Variants in HS6ST2 observed in about 807,000 individuals in gnomAD.
HS6ST2 encodes the protein heparan-sulfate 6-O-sulfotransferase 2.
In HS6ST2, 17 loss-of-function variants were observed where a neutral mutation model predicts 33.0. The ratio of observed to expected loss-of-function variants is 0.52; its 90% CI spans 0.35 to 0.77. The LOEUF (loss-of-function observed/expected upper bound fraction) is 0.77, where lower values mean the gene tolerates loss of function less well. Among genes scored for constraint, HS6ST2 ranks in the 30% least tolerant of loss-of-function variants. The pLI is 0.01. For missense variants in HS6ST2, 519 were observed against 551.7 expected (o/e 0.94, Z 0.59); for synonymous variants, 248 against 237.1 (o/e 1.05, Z -0.42).
At chrX:132,633,519 G>A (rs768729975) in intron 4 of HS6ST2, among the ~76,000 whole-genome samples, 39 of 110,997 alleles carry the variant, frequency 3.5e-4, no homozygotes, top group Non-Finnish European at 5.5e-4. Flanking sequence ...GGAGAAAGAG[G>A]AGGAGGACTT....
In HS6ST2 at chrX:132,627,981, G is replaced by T; in HGVS notation, c.*242C>A. On this transcript the variant is annotated 3_prime_UTR_variant, in exon 5 of 5. Transcript: ENST00000370833. ...AGCAATTTCTGGTGAGTCTGGTTTG[G>T]CTTTCGGATTTCATATTTAGTCCAA... 3.7e-6 allele frequency: 1 copy of T among 271,205 alleles called. No individual in the cohort carries two copies. The highest frequency in any genetic ancestry group is 6.5e-6 in the Non-Finnish European group (1 of 153,461). The allele number at this position is 271,205 out of a possible 1,213,427, so 22.4% of individuals were successfully genotyped here. A position where few individuals can be genotyped will look rare whatever the true frequency, so the allele number is the denominator to read the frequency against.
chrX:132,628,201 T>C lies in HS6ST2; in HGVS notation c.*22A>G, dbSNP rs1358253717. Reference sequence around the variant, plus strand: ...TTTCAGTGGCGCTTTGGGAGAAGTATGTACAGGCCTTTTTGAGCCATTTAA... The same window carrying C: ...TTTCAGTGGCGCTTTGGGAGAAGTACGTACAGGCCTTTTTGAGCCATTTAA... On this transcript the variant is annotated 3_prime_UTR_variant, in exon 5 of 5. Transcript: ENST00000370833. 2.8e-6 allele frequency: 3 copies of C among 1,060,675 alleles called. No homozygotes were observed. The Admixed American group carries it at 8.2e-5, about 29-fold the overall frequency. The allele number at this position is 1,060,675 out of a possible 1,213,427, so 87.4% of individuals were successfully genotyped here.
At position 132,870,789 on chromosome X, in the gene HS6ST2, A is replaced by G. The variant is rs183282738; in HGVS notation, c.947+86019T>C. ...CTCAAGATGGATTAAAGACTTAAAC[A>G]TAAGACCTAAAACCATAAAATCCCT... On this transcript the variant is annotated intron_variant, in intron 2 of 4. Transcript: ENST00000370833. Among the ~76,000 whole-genome samples the G allele has an allele frequency of 7.1e-5, 8 of 112,030 alleles. 1 individual carries two copies. In the Admixed American group the frequency reaches 7.6e-4, roughly 11 times the overall value.
intron 2 of HS6ST2, among the ~76,000 whole-genome samples, chrX:132,839,274 A>ATG (rs1569495995): frequency 1.0e-4 from 2 of 19,830 alleles, no homozygotes; most frequent in Non-Finnish European, 1.7e-4. Context: ...TAGTGTGTGT[A>ATG]TATATATATA....
rs192308445 is a variant in HS6ST2 at position 132,934,512 on chromosome X, A to G, written c.947+22296T>C. On this transcript the variant is annotated intron_variant, in intron 2 of 4. Transcript: ENST00000370833. ...AGAAGAAACAGAGCTATCTAGGAAA[A>G]CACTTAAAGAGCTTATTGTAATTAA... is the stretch of plus-strand genomic sequence containing the variant. Among the ~76,000 whole-genome samples the G allele has an allele frequency of 4.7e-3, 530 of 112,180 alleles. 3 individuals are homozygous for G. Among genetic ancestry groups the G allele is most frequent in the Non-Finnish European group, 5.6e-3 (298 of 53,204 alleles).
At chrX:132,812,446 A>AAAT (rs1250535782) in intron 2 of HS6ST2, among the ~76,000 whole-genome samples, 1 of 77,954 alleles carries the variant, frequency 1.3e-5, no homozygotes, top group African/African-American at 4.4e-5. Context: ...AATAATAATA[A>AAAT]AATAATAATA....
intron 2 of HS6ST2, among the ~76,000 whole-genome samples, chrX:132,884,217 G>T (rs1211933518): frequency 9.0e-6 from 1 of 111,348 alleles, no homozygotes; most frequent in Admixed American, 9.6e-5. Context: ...GTGTGAAACT[G>T]GTTATCTCTG....
intron 2 of HS6ST2, among the ~76,000 whole-genome samples, chrX:132,727,400 A>G (rs2064405604): frequency 9.0e-6 from 1 of 111,390 alleles, no homozygotes; most frequent in Non-Finnish European, 1.9e-5. Flanking sequence ...TACAGTGAAG[A>G]CAGCAATATG....
At chrX:132,882,106 A>G (rs975013077) in intron 2 of HS6ST2, among the ~76,000 whole-genome samples, 12 of 111,382 alleles carry the variant, frequency 1.1e-4, no homozygotes, top group African/African-American at 3.6e-4. Flanking sequence ...TTGGCGATGC[A>G]GGCTCTTTTT....
intron 4 of HS6ST2, among the ~76,000 whole-genome samples, chrX:132,668,592 C>T (rs748289019): frequency 5.3e-4 from 59 of 111,461 alleles, no homozygotes; most frequent in Non-Finnish European, 1.0e-3. Context: ...GGACTTGGTG[C>T]ATATTAGTTA....
At chrX:132,960,863 T>C (rs1281143133), upstream of HS6ST2, among the ~76,000 whole-genome samples, 1 of 111,726 alleles carries the variant, frequency 9.0e-6, no homozygotes, top group Admixed American at 9.4e-5. Context: ...AAACAGTCTT[T>C]GTGGGGAGCA....
chrX:132,867,189 AG>A (rs1441413509), intron 2 of HS6ST2, among the ~76,000 whole-genome samples: 4 of 106,352 alleles, frequency 3.8e-5, no homozygotes, highest in South Asian at 4.2e-4. Flanking sequence ...TTTAGCATGA[AG>A]GGTTGTTGAA....
intron 2 of HS6ST2, among the ~76,000 whole-genome samples, chrX:132,918,230 T>TGGCAATGAACATG (rs2066614247): frequency 8.9e-6 from 1 of 112,393 alleles, no homozygotes; most frequent in Non-Finnish European, 1.9e-5. Flanking sequence ...CTTCTTTTGG[T>TGGCAATGAACATG]GGCAATGAAC....
intron 2 of HS6ST2, among the ~76,000 whole-genome samples, chrX:132,838,810 CA>C (rs2065672242): frequency 9.2e-6 from 1 of 109,263 alleles, no homozygotes; most frequent in South Asian, 4.0e-4. Flanking sequence ...AAAAAGCGGG[CA>C]AAAGACATGA....
intron 3 of HS6ST2, among the ~76,000 whole-genome samples, chrX:132,691,802 A>G (rs190912577): frequency 1.8e-5 from 2 of 111,858 alleles, no homozygotes; most frequent in African/African-American, 6.5e-5. Context: ...CCCTCACTAG[A>G]CAAATCTTAA....
chrX:132,955,220 ATTG>A (rs1370958022), intron 2 of HS6ST2, among the ~76,000 whole-genome samples: 1 of 112,677 alleles, frequency 8.9e-6, no homozygotes, highest in Non-Finnish European at 1.9e-5. Context: ...ACACCAGAAT[ATTG>A]TTGTGACAAT....
At chrX:132,652,837 A>G (rs1328038162) in intron 4 of HS6ST2, among the ~76,000 whole-genome samples, 1 of 111,053 alleles carries the variant, frequency 9.0e-6, no homozygotes, top group Admixed American at 9.7e-5. Context: ...GGCCACTAAG[A>G]CATACCATCC....
At chrX:132,955,867 C>T (rs2067063990) in intron 2 of HS6ST2, among the ~76,000 whole-genome samples, 1 of 112,728 alleles carries the variant, frequency 8.9e-6, no homozygotes, top group Admixed American at 9.3e-5. Context: ...CAGCTTTTAC[C>T]GCATCAGCCC....
chrX:132,772,547 C>A (rs2064910483), intron 2 of HS6ST2, among the ~76,000 whole-genome samples: 1 of 101,750 alleles, frequency 9.8e-6, no homozygotes, highest in Non-Finnish European at 2.0e-5. Context: ...TAATTGTATG[C>A]AATATAATTA....
Sources: gnomAD v4.1 joint callset for allele counts (sites outside exome capture counted in the v4.1 genomes callset) on GRCh38, gnomAD v4.1.1 for gene constraint, MANE v1.5 for transcripts, NCBI Gene and HGNC (gene_info 2026-07-23, HGNC 2026-07-21) for gene names.